The following SLC33A1 variants were observed in gnomAD, a reference collection of about 807,000 sequenced individuals.
The protein encoded by SLC33A1 is acetyl-coenzyme A transporter 1.
A neutral mutation model predicts 50.0 loss-of-function variants in SLC33A1; 20 were observed. The observed-to-expected ratio is 0.40, with a 90% CI of 0.28 to 0.58. The LOEUF (loss-of-function observed/expected upper bound fraction) is 0.58, where lower values mean the gene tolerates loss of function less well. Ranked by LOEUF, SLC33A1 falls within the 20% of genes least tolerant of loss-of-function variation. SLC33A1 has a pLI of 0.44. For missense variants in SLC33A1, 476 were observed against 657.0 expected (o/e 0.72, Z 3.01); for synonymous variants, 265 against 251.8 (o/e 1.05, Z -0.50).
chr3:155,828,746 T>C (rs539953378), intron 5 of SLC33A1, among the ~76,000 whole-genome samples: 20 of 152,042 alleles, frequency 1.3e-4, no homozygotes, highest in Non-Finnish European at 2.8e-4. Flanking sequence ...TGCACCACCA[T>C]GCCCCATTAA....
rs1342884384 is a variant in SLC33A1, at chr3:155,822,155, T to G, written c.*6055A>C. ...TTATAGGGGCAGGTGATAAAAAAATTTCAATTTCACTAACTCTGACTACAA... is the reference window on the plus strand; with the variant it reads ...TTATAGGGGCAGGTGATAAAAAAATGTCAATTTCACTAACTCTGACTACAA... On this transcript the variant is annotated 3_prime_UTR_variant, in exon 6 of 6. Coordinates refer to ENST00000643144, the MANE Select transcript of SLC33A1 (RefSeq NM_004733.4). 1 of 152,292 alleles carries G rather than the reference T, an allele frequency of 6.6e-6. No homozygotes were observed. Among genetic ancestry groups the G allele is most frequent in the Non-Finnish European group, 1.5e-5 (1 of 68,022 alleles). The allele number at this position is 152,292 out of a possible 1,614,324, so 9.4% of individuals were successfully genotyped here.
In SLC33A1 at chr3:155,825,592, G is replaced by A. The variant is rs1249511088; in HGVS notation, c.*2618C>T. 6.6e-6 allele frequency: 1 copy of A among 152,116 alleles called. No individual in the cohort carries two copies. Among genetic ancestry groups the A allele is most frequent in the Non-Finnish European group, 1.5e-5 (1 of 68,020 alleles). The allele number at this position is 152,116 out of a possible 1,614,324, so 9.4% of individuals were successfully genotyped here. A position where few individuals can be genotyped will look rare whatever the true frequency, so the allele number is the denominator to read the frequency against. ...ATAAAATAAAGTATTTACAATGGAA[G>A]GAATCTGTGGTGTTACTTTTAGGTA... On this transcript the variant is annotated 3_prime_UTR_variant, in exon 6 of 6. Coordinates refer to ENST00000643144, the MANE Select transcript of SLC33A1 (RefSeq NM_004733.4).
At chr3:155,842,656 T>G (rs1018325845) in intron 1 of SLC33A1, 37 bp from the exon 2 acceptor site, 2 of 1,088,954 alleles carry the variant, frequency 1.8e-6, no homozygotes, top group African/African-American at 1.6e-5. Flanking sequence ...ATTTTTAAAA[T>G]TACATAATTT....
At chr3:155,829,586 C>T in intron 5 of SLC33A1, 102 bp downstream of exon 5, 2 of 836,558 alleles carry the variant, frequency 2.4e-6, no homozygotes, top group South Asian at 2.9e-5. Flanking sequence ...AACCTATGGA[C>T]AGATATGATT....
At position 155,828,219 on chromosome 3, in the gene SLC33A1, C is replaced by T. The variant is rs762500200; in HGVS notation, c.1641G>A (p.Arg547=). 1.6e-5 allele frequency: 26 copies of T among 1,611,894 alleles called. No individual in the cohort carries two copies. In the South Asian group the frequency reaches 2.7e-4, roughly 17 times the overall value. The change falls in exon 6 of 6, where the codon AGG becomes AGA. Residue 547 remains arginine, a synonymous_variant. Transcript: ENST00000643144. ...TCCAGTAGCATATATATTAATTGTT[C>T]CTTTTGCATTTCCACGAAGATGATC... is the stretch of plus-strand genomic sequence containing the variant. ...DEGSSSWKCK[R]NN is the part of the protein sequence containing the mutation.
chr3:155,824,019 T>C lies in SLC33A1; in HGVS notation c.*4191A>G, dbSNP rs6805683. ...GTGAGCCACCATGCCCAGCCTGCAA[T>C]AGGTATTCAAAATCCTCCCTAAGAG... On this transcript the variant is annotated 3_prime_UTR_variant, in exon 6 of 6. Coordinates refer to ENST00000643144, the MANE Select transcript of SLC33A1 (RefSeq NM_004733.4). The C allele has an allele frequency of 6.6e-6, 1 of 151,938 alleles. No individual in the cohort carries two copies. Among genetic ancestry groups the C allele is most frequent in the South Asian group, 2.1e-4 (1 of 4,818 alleles). The allele number at this position is 151,938 out of a possible 1,614,324, so 9.4% of individuals were successfully genotyped here.
intron 2 of SLC33A1, among the ~76,000 whole-genome samples, chr3:155,840,220 T>C (rs951782512): frequency 6.6e-6 from 1 of 151,394 alleles, no homozygotes; most frequent in Admixed American, 6.6e-5. Flanking sequence ...CCCGAGTAGC[T>C]GGGCTTACAG....
At chr3:155,849,425 G>A (rs868033468) in intron 1 of SLC33A1, among the ~76,000 whole-genome samples, 4 of 152,000 alleles carry the variant, frequency 2.6e-5, no homozygotes, top group African/African-American at 9.7e-5. Context: ...TGTTATAAAT[G>A]TGGTATGTTC....
At chr3:155,832,104 G>A (rs188125025) in intron 4 of SLC33A1, among the ~76,000 whole-genome samples, 80 of 152,322 alleles carry the variant, frequency 5.3e-4, no homozygotes, top group Admixed American at 3.1e-3. Context: ...TGGGCCAGGC[G>A]CGGTGGCTCA....
chr3:155,835,833 G>C (rs770379126), intron 2 of SLC33A1, among the ~76,000 whole-genome samples: 11 of 152,064 alleles, frequency 7.2e-5, no homozygotes, highest in Non-Finnish European at 1.5e-4. Context: ...CCTCTCTGTA[G>C]CACAGAGCTA....
rs1307722075 is a variant in SLC33A1 at position 155,853,771 on chromosome 3, A to C, written c.227T>G (p.Leu76Trp). 1 of 1,613,948 alleles carries C rather than the reference A, an allele frequency of 6.2e-7. No homozygotes were observed. The highest frequency in any genetic ancestry group is 1.1e-5 in the South Asian group (1 of 91,086). ...AAGCACGTAAAGAAAGAGTAGTAGCAAAATGCTGCTTAGTTCGGCCCGGAA... is the reference window on the plus strand; with the variant it reads ...AAGCACGTAAAGAAAGAGTAGTAGCCAAATGCTGCTTAGTTCGGCCCGGAA... ...QSFRAELSSI[L>W]LLLFLYVLQG... is the part of the protein sequence containing the mutation. The change falls in exon 1 of 6, where the codon TTG becomes TGG. Residue 76 changes from leucine to tryptophan, a missense_variant. Leu to Trp is a moderately conservative substitution (Grantham distance 61). Coordinates refer to ENST00000643144, the MANE Select transcript of SLC33A1 (RefSeq NM_004733.4).
At chr3:155,840,714 T>C (rs1560017903) in intron 2 of SLC33A1, among the ~76,000 whole-genome samples, 2 of 152,198 alleles carry the variant, frequency 1.3e-5, no homozygotes, top group East Asian at 3.9e-4. Flanking sequence ...CTTGGGAGGC[T>C]GAGGCAGGAG....
chr3:155,828,132 C>T lies in SLC33A1; in HGVS notation c.*78G>A. ...CTGTTTAAAATAATATTTTATACTC[C>T]TGTGCACTGATTATCATTGCTCTCC... is the stretch of plus-strand genomic sequence containing the variant. On this transcript the variant is annotated 3_prime_UTR_variant, in exon 6 of 6. Transcript: ENST00000643144. The T allele has an allele frequency of 1.0e-6, 1 of 1,004,062 alleles. No homozygotes were observed. The highest frequency in any genetic ancestry group is 1.6e-6 in the Non-Finnish European group (1 of 623,760). 62.2% of individuals were successfully genotyped at this position (1,004,062 alleles called of 1,614,324 possible). A position where few individuals can be genotyped will look rare whatever the true frequency, so the allele number is the denominator to read the frequency against.
At chr3:155,839,912 T>C (rs1752858067) in intron 2 of SLC33A1, among the ~76,000 whole-genome samples, 1 of 151,438 alleles carries the variant, frequency 6.6e-6, no homozygotes. Context: ...GCCACTGTAC[T>C]CCAGCCTAGG....
chr3:155,853,908 C>A lies in SLC33A1; in HGVS notation c.90G>T (p.Leu30=). The stretch of plus-strand genomic sequence containing the variant: ...GACTGTCATCCCAACCGCCTGGCGG[C>A]AGGGGACCGCTCTTCATATCCAGAG... ...SHSLDMKSGP[L]PPGGWDDSHL... is the part of the protein sequence containing the mutation. Residue 30 remains leucine (L), a synonymous_variant, in exon 1 of 6, where the codon CTG becomes CTT. Transcript: ENST00000643144. 1 of 1,544,660 alleles carries A rather than the reference C, an allele frequency of 6.5e-7. No homozygotes were observed. Among genetic ancestry groups the A allele is most frequent in the South Asian group, 1.3e-5 (1 of 78,634 alleles).
At chr3:155,844,444 TATATATA>T (rs1753058178) in intron 1 of SLC33A1, among the ~76,000 whole-genome samples, 1 of 9,490 alleles carries the variant, frequency 1.1e-4, no homozygotes, top group Non-Finnish European at 2.8e-4. Context: ...TATATATATA[TATATATA>T]TATATATTTT....
Position 155,854,112 on chromosome 3 carries a change from T to C in SLC33A1, c.-115A>G, listed in dbSNP as rs1753530942. The C allele has an allele frequency of 1.2e-6, 1 of 811,948 alleles. No homozygotes were observed. The highest frequency in any genetic ancestry group is 2.1e-5 in the South Asian group (1 of 47,032). 50.3% of individuals were successfully genotyped at this position (811,948 alleles called of 1,614,324 possible). On this transcript the variant is annotated 5_prime_UTR_variant, in exon 1 of 6. Coordinates refer to ENST00000643144, the MANE Select transcript of SLC33A1 (RefSeq NM_004733.4). ...ACCAGGGTTTCGGTGGTTCACGGGA[T>C]GGTGGCAGGGCTCAGAGCGATAAGG...
chr3:155,840,877 C>T (rs954263038), intron 2 of SLC33A1, among the ~76,000 whole-genome samples: 17 of 151,534 alleles, frequency 1.1e-4, no homozygotes, highest in African/African-American at 2.9e-4. Context: ...CCCAGCTGCC[C>T]GGGAGACTGA....
intron 2 of SLC33A1, among the ~76,000 whole-genome samples, chr3:155,835,108 A>C (rs1423721862): frequency 6.6e-6 from 1 of 152,236 alleles, no homozygotes; most frequent in Non-Finnish European, 1.5e-5. Flanking sequence ...GTAAGCAGAA[A>C]ACTTGTTCTT....
Sources: allele counts gnomAD v4.1 joint callset (sites outside exome capture counted in the v4.1 genomes callset), GRCh38; gene constraint gnomAD v4.1.1; transcripts MANE v1.5; gene names NCBI Gene and HGNC (gene_info 2026-07-23, HGNC 2026-07-21).